Variants in ZC3H3 observed in about 807,000 individuals in gnomAD.
ZC3H3 encodes zinc finger CCCH domain-containing protein 3.
Under a neutral mutation model 77.3 loss-of-function variants are expected in ZC3H3, and 36 were observed. The ratio of observed to expected loss-of-function variants is 0.47; its 90% CI spans 0.36 to 0.61. The LOEUF is 0.61. ZC3H3 is among the 20% of genes least tolerant of loss of function. ZC3H3 has a pLI of 0.00. For missense variants in ZC3H3, 1,331 were observed against 1,312.2 expected (o/e 1.01, Z -0.22); for synonymous variants, 626 against 555.2 (o/e 1.13, Z -1.79).
chr8:143,450,920 G>T (rs921106010), intron 9 of ZC3H3, among the ~76,000 whole-genome samples: 6 of 152,158 alleles, frequency 3.9e-5, no homozygotes, highest in African/African-American at 1.4e-4. Context: ...CTGGCTGAGG[G>T]TGTATGGGAA....
At chr8:143,478,282 C>T (rs540808058) in intron 4 of ZC3H3, among the ~76,000 whole-genome samples, 36 of 152,320 alleles carry the variant, frequency 2.4e-4, no homozygotes, top group Non-Finnish European at 4.3e-4. Flanking sequence ...CAAAGGCACC[C>T]GGATGGAGGG....
intron 4 of ZC3H3, among the ~76,000 whole-genome samples, chr8:143,498,662 G>A (rs1420092823): frequency 6.6e-6 from 1 of 151,766 alleles, no homozygotes; most frequent in Non-Finnish European, 1.5e-5. Context: ...CCCCCACACT[G>A]CTGTGTGGAC....
intron 4 of ZC3H3, chr8:143,484,567 A>G (rs1820998369): frequency 6.5e-6 from 1 of 153,900 alleles, no homozygotes; most frequent in Non-Finnish European, 1.4e-5. Flanking sequence ...GTCAGCTGCA[A>G]AAAAACAAGT....
rs376479623 is a variant in ZC3H3, at chr8:143,455,164, A to G, written c.2307+10553T>C. On this transcript the variant is annotated intron_variant, in intron 9 of 11. Transcript: ENST00000262577. ...CCCCATCTCTACTAAAAATACAAAC[A>G]TTAGCTGGGTGTGGTGGCGGGGGCC... 7.8e-4 allele frequency among the ~76,000 whole-genome samples: 118 copies of G among 152,138 alleles called. 3 individuals are homozygous for G. The highest frequency in any genetic ancestry group is 2.7e-3 in the African/African-American group (114 of 41,508).
Position 143,475,515 on chromosome 8 carries a change from A to G in ZC3H3, c.1786T>C (p.Trp596Arg), listed in dbSNP as rs751761659. Residue 596 changes from tryptophan (W) to arginine (R), a missense_variant, in exon 5 of 12, where the codon TGG (tryptophan) becomes CGG (arginine). Transcript: ENST00000262577. ...GGKAQPGSPW[W>R]RSKGYRCIGG... ...ATGCAGCGGTAGCCTTTGCTCCGCC[A>G]CCAAGGGGAGCCCGGTTGGGCTTTC... 2 of 1,612,306 alleles carry G rather than the reference A, an allele frequency of 1.2e-6. No individual in the cohort carries two copies. The highest frequency in any genetic ancestry group is 1.7e-6 in the Non-Finnish European group (2 of 1,179,704).
At chr8:143,491,123 C>G (rs1821189202) in intron 4 of ZC3H3, among the ~76,000 whole-genome samples, 1 of 152,204 alleles carries the variant, frequency 6.6e-6, no homozygotes. Flanking sequence ...CAGACACACA[C>G]ATATCCACGG....
chr8:143,484,937 G>A, intron 4 of ZC3H3: 1 of 448,588 alleles, frequency 2.2e-6, no homozygotes, highest in Non-Finnish European at 4.5e-6. Context: ...CCCTTGCAAG[G>A]ACAGTGGTAT....
At position 143,478,365 on chromosome 8, in the gene ZC3H3, C is replaced by T. The variant is rs548760567; in HGVS notation, c.1716-2780G>A. Among the ~76,000 whole-genome samples the T allele has an allele frequency of 6.8e-4, 103 of 152,292 alleles. 1 individual carries two copies. Among genetic ancestry groups the T allele is most frequent in the Admixed American group, 5.7e-3 (87 of 15,310 alleles). On this transcript the variant is annotated intron_variant, in intron 4 of 11. Transcript: ENST00000262577. ...AGCTGGCCAGGCCCAGGGAAGGGCC[C>T]GTGGGGCAGAGGCATCAGGGCCTCT...
rs759716089 is a variant in ZC3H3 at position 143,538,712 on chromosome 8, C to T, written c.655G>A (p.Val219Ile). The change falls in exon 2 of 12, where the codon GTC (valine) becomes ATC (isoleucine). Residue 219 changes from valine (V) to isoleucine (I), a missense_variant. Physicochemically the swap from Val to Ile is conservative, Grantham distance 29 (BLOSUM62 3). This residue lies in a region of ZC3H3 where 978 missense variants were observed against 915.5 expected (regional missense o/e 1.07). Coordinates refer to ENST00000262577, the MANE Select transcript of ZC3H3 (RefSeq NM_015117.3). Reference protein sequence around the residue: ...GDSPREPRRTVSESVIAVKAS... With the variant: ...GDSPREPRRTISESVIAVKAS... Reference sequence around the variant, plus strand: ...TTGACGGCAATCACACTCTCACTGACTGTCCGGCGGGGCTCCCGGGGGCTG... The same window carrying T: ...TTGACGGCAATCACACTCTCACTGATTGTCCGGCGGGGCTCCCGGGGGCTG... 1.2e-6 allele frequency: 2 copies of T among 1,608,904 alleles called. No homozygotes were observed. The highest frequency in any genetic ancestry group is 2.2e-5 in the East Asian group (1 of 44,894).
chr8:143,508,811 C>G (rs1202936454), intron 3 of ZC3H3, among the ~76,000 whole-genome samples: 1 of 152,058 alleles, frequency 6.6e-6, no homozygotes, highest in Non-Finnish European at 1.5e-5. Flanking sequence ...CAGTGCCCAG[C>G]TTCCCCTGTG....
Position 143,539,166 on chromosome 8 carries a change from C to T in ZC3H3, c.201G>A (p.Gly67=). Residue 67 remains glycine (G), a synonymous_variant, in exon 2 of 12, where the codon GGG becomes GGA. Coordinates refer to ENST00000262577, the MANE Select transcript of ZC3H3 (RefSeq NM_015117.3). ...GGGAGTATTTCTTGCGCCACGAAGG[C>T]CCATGGTGGGAAGAGTAGCCCCTCC... The part of the protein sequence containing the change: ...PSRRGYSSHH[G]PSWRKKYSLV... 6.2e-7 allele frequency: 1 copy of T among 1,612,966 alleles called. No homozygotes were observed. Among genetic ancestry groups the T allele is most frequent in the Non-Finnish European group, 8.5e-7 (1 of 1,180,030 alleles).
At chr8:143,472,169 C>T (rs564565340) in intron 5 of ZC3H3, among the ~76,000 whole-genome samples, 104 of 152,392 alleles carry the variant, frequency 6.8e-4, no homozygotes, top group African/African-American at 2.0e-3. Flanking sequence ...ACCCTCCTTG[C>T]TGGCGTTGCT....
chr8:143,483,363 G>A (rs1017248563), intron 4 of ZC3H3, among the ~76,000 whole-genome samples: 6 of 152,324 alleles, frequency 3.9e-5, no homozygotes, highest in Admixed American at 6.5e-5. Flanking sequence ...GAGCCACTGC[G>A]GCCCCCGAAT....
At chr8:143,475,276 G>C (rs1286352063) in intron 5 of ZC3H3, 122 bp downstream of exon 5, 1 of 1,233,906 alleles carries the variant, frequency 8.1e-7, no homozygotes, top group African/African-American at 1.5e-5. Context: ...CCCAAGACAG[G>C]GGCGTGAGCC....
intron 9 of ZC3H3, among the ~76,000 whole-genome samples, chr8:143,465,485 G>A (rs1195854891): frequency 6.6e-6 from 1 of 152,214 alleles, no homozygotes; most frequent in Non-Finnish European, 1.5e-5. Context: ...TGGAAGTCTA[G>A]GTCCTCTGCG....
At chr8:143,517,938 G>A (rs1202078469) in intron 3 of ZC3H3, among the ~76,000 whole-genome samples, 1 of 152,210 alleles carries the variant, frequency 6.6e-6, no homozygotes, top group Non-Finnish European at 1.5e-5. Flanking sequence ...CCTGCTCGGG[G>A]CCAGGACAGC....
rs1820236079 is a variant in ZC3H3, at chr8:143,460,613, G to A, written c.2307+5104C>T. ...GGCTCAAACAGATACCTGGCTGTCA[G>A]GAATCACTACAGCACCAGTCACAGT... is the stretch of plus-strand genomic sequence containing the variant. On this transcript the variant is annotated intron_variant, in intron 9 of 11. Coordinates refer to ENST00000262577, the MANE Select transcript of ZC3H3 (RefSeq NM_015117.3). This position sits in a 1 kb window ranked among gnomAD's most constrained non-coding sequence, Gnocchi z 4.0. Among the ~76,000 whole-genome samples, 1 of 152,152 alleles carries A rather than the reference G, an allele frequency of 6.6e-6. No homozygotes were observed. The highest frequency in any genetic ancestry group is 2.4e-5 in the African/African-American group (1 of 41,402).
intron 4 of ZC3H3, chr8:143,484,967 A>C (rs73715627): frequency 0.011 from 4,804 of 429,444 alleles, 188 homozygotes; most frequent in African/African-American, 0.09. Context: ...CCACGGGAAA[A>C]CCACAATAAA....
intron 2 of ZC3H3, among the ~76,000 whole-genome samples, chr8:143,537,215 G>A (rs779077783): frequency 5.3e-5 from 8 of 152,326 alleles, no homozygotes; most frequent in African/African-American, 1.9e-4. Flanking sequence ...GTCCGCAAGG[G>A]TGGAGGCCGG....
Sources: allele counts gnomAD v4.1 joint callset (sites outside exome capture counted in the v4.1 genomes callset), GRCh38; gene constraint gnomAD v4.1.1; regional missense constraint gnomAD v4.1.1; non-coding constraint Gnocchi (gnomAD v3.1); transcripts MANE v1.5; gene names NCBI Gene and HGNC (gene_info 2026-07-23, HGNC 2026-07-21).